The following SAMMSON variants were observed in gnomAD, a reference collection of about 807,000 sequenced individuals.
SAMMSON encodes long intergenic non-protein coding RNA 1212.
chr3:70,390,957 T>G (rs1463587461), downstream of SAMMSON, among the ~76,000 whole-genome samples: 2 of 152,138 alleles, frequency 1.3e-5, no homozygotes, highest in African/African-American at 4.8e-5. Context: ...CAGCCAGATA[T>G]TTTGTTGACA....
intron 3 of SAMMSON, among the ~76,000 whole-genome samples, chr3:70,045,828 G>A (rs190016111): frequency 2.2e-4 from 34 of 152,168 alleles, no homozygotes; most frequent in Non-Finnish European, 4.0e-4. Flanking sequence ...AGCTTTATTA[G>A]CTCTTCTTTA....
At chr3:70,073,986 A>G (rs1182755535) in intron 4 of SAMMSON, among the ~76,000 whole-genome samples, 1 of 152,056 alleles carries the variant, frequency 6.6e-6, no homozygotes, top group South Asian at 2.1e-4. Flanking sequence ...GGTAGTGATC[A>G]TGCTAAAATC....
intron 3 of SAMMSON, among the ~76,000 whole-genome samples, chr3:70,015,587 T>C (rs1332331054): frequency 6.6e-6 from 1 of 152,166 alleles, no homozygotes; most frequent in Non-Finnish European, 1.5e-5. Context: ...TATTATACTT[T>C]AAGTTCTAGG....
At chr3:70,130,849 C>T (rs1490315647) in intron 4 of SAMMSON, among the ~76,000 whole-genome samples, 1 of 152,090 alleles carries the variant, frequency 6.6e-6, no homozygotes, top group East Asian at 1.9e-4. Context: ...CATCTCAGGC[C>T]TCAGGTATCA....
chr3:70,382,527 GA>G (rs1392225674), intron 9 of SAMMSON, among the ~76,000 whole-genome samples: 4 of 151,908 alleles, frequency 2.6e-5, no homozygotes, highest in African/African-American at 9.7e-5. Context: ...ATGAATGAAT[GA>G]AAACCAGAAT....
intron 2 of SAMMSON, among the ~76,000 whole-genome samples, chr3:70,402,509 T>TA (rs1207931602): frequency 1.3e-5 from 2 of 152,226 alleles, no homozygotes; most frequent in African/African-American, 4.8e-5. Flanking sequence ...TTTAAAAATA[T>TA]ATTTTAACAA....
At chr3:70,380,376 C>T (rs891715253) in intron 9 of SAMMSON, among the ~76,000 whole-genome samples, 1 of 151,966 alleles carries the variant, frequency 6.6e-6, no homozygotes, top group Non-Finnish European at 1.5e-5. Flanking sequence ...CTGTAACATA[C>T]TATTTGAATT....
At chr3:70,200,983 A>T in intron 4 of SAMMSON, among the ~76,000 whole-genome samples, 6 of 147,008 alleles carry the variant, frequency 4.1e-5, no homozygotes, top group East Asian at 2.0e-4. Context: ...GTGGGTGTTC[A>T]TTTCTCTTCT....
At chr3:70,306,909 T>C (rs1420138884) in intron 7 of SAMMSON, among the ~76,000 whole-genome samples, 3 of 152,176 alleles carry the variant, frequency 2.0e-5, no homozygotes, top group Non-Finnish European at 4.4e-5. Context: ...TATATGCATA[T>C]ATATGTACAT....
intron 6 of SAMMSON, among the ~76,000 whole-genome samples, chr3:70,269,846 C>T (rs577633442): frequency 6.6e-6 from 1 of 152,200 alleles, no homozygotes; most frequent in South Asian, 2.1e-4. Flanking sequence ...GCCATGATAA[C>T]ACTAAATATC....
intron 4 of SAMMSON, among the ~76,000 whole-genome samples, chr3:70,164,563 C>T (rs2067629051): frequency 6.6e-6 from 1 of 151,998 alleles, no homozygotes; most frequent in Non-Finnish European, 1.5e-5. Flanking sequence ...AGCTCCTGAC[C>T]TCCCACCTGT....
chr3:70,399,867 C>CA lies in SAMMSON; in HGVS notation n.233+41553dup, dbSNP rs60507636. ...AAGACTCTGACTCAAAAAAAAAAAACAAAAAAAAAACAAAAAAACCCACCA... is the reference window on the plus strand; with the variant it reads ...AAGACTCTGACTCAAAAAAAAAAAACAAAAAAAAAAACAAAAAAACCCACCA... On this transcript the variant is annotated intron_variant and non_coding_transcript_variant, in intron 2 of 3. Coordinates refer to the SAMMSON transcript ENST00000641053. Among the ~76,000 whole-genome samples, 1,141 of 134,948 alleles carry CA rather than the reference C, an allele frequency of 8.5e-3. 8 individuals are homozygous for CA. Among genetic ancestry groups the CA allele is most frequent in the African/African-American group, 0.028 (975 of 34,824 alleles). The allele number at this position is 134,948 out of a possible 152,430, so 88.5% of individuals were successfully genotyped here. A position where few individuals can be genotyped will look rare whatever the true frequency, so the allele number is the denominator to read the frequency against.
intron 4 of SAMMSON, among the ~76,000 whole-genome samples, chr3:70,189,642 T>C (rs1393032181): frequency 6.6e-6 from 1 of 152,214 alleles, no homozygotes; most frequent in East Asian, 1.9e-4. Context: ...GGAAGATACT[T>C]ATTCTCGCCT....
intron 7 of SAMMSON, among the ~76,000 whole-genome samples, chr3:70,327,589 G>A (rs1265127890): frequency 2.0e-5 from 3 of 152,166 alleles, no homozygotes; most frequent in African/African-American, 7.2e-5. Context: ...CCGTCCAAGT[G>A]AGGAAACTTC....
chr3:70,406,763 G>A (rs533852855), intron 2 of SAMMSON, among the ~76,000 whole-genome samples: 26 of 152,224 alleles, frequency 1.7e-4, no homozygotes, highest in African/African-American at 5.8e-4. Context: ...GGAATTCTAA[G>A]AAGGAACAAC....
At chr3:70,427,694 C>T (rs948045277) in intron 2 of SAMMSON, among the ~76,000 whole-genome samples, 4 of 150,084 alleles carry the variant, frequency 2.7e-5, no homozygotes, top group African/African-American at 7.4e-5. Context: ...GTCGAGATCG[C>T]GCCACTGCGC....
At chr3:70,384,578 G>A (rs1703104754) in intron 9 of SAMMSON, among the ~76,000 whole-genome samples, 1 of 151,986 alleles carries the variant, frequency 6.6e-6, no homozygotes, top group Non-Finnish European at 1.5e-5. Flanking sequence ...GCAAATTATT[G>A]TAAATCCATT....
intron 9 of SAMMSON, among the ~76,000 whole-genome samples, chr3:70,364,049 C>T (rs922237243): frequency 6.6e-6 from 1 of 151,866 alleles, no homozygotes; most frequent in African/African-American, 2.4e-5. Context: ...TCCCTGCCCC[C>T]TTTCCTCCTA....
chr3:70,332,998 A>G (rs560887121), intron 7 of SAMMSON: 1 of 152,314 alleles, frequency 6.6e-6, no homozygotes, highest in East Asian at 1.9e-4. Context: ...TTGACCATTC[A>G]GCCTGAAAAA....
Sources: gnomAD v4.1 joint callset for allele counts (sites outside exome capture counted in the v4.1 genomes callset) on GRCh38, gnomAD v4.1.1 for gene constraint, MANE v1.5 for transcripts, NCBI Gene and HGNC (gene_info 2026-07-23, HGNC 2026-07-21) for gene names.